The following PSMD8 variants were observed in gnomAD, a reference collection of about 807,000 sequenced individuals.
PSMD8 encodes the protein 26S proteasome non-ATPase regulatory subunit 8.
A neutral mutation model predicts 40.0 loss-of-function variants in PSMD8; 30 were observed. The observed-to-expected ratio is 0.75, with a 90% CI of 0.56 to 1.02. PSMD8 has a LOEUF of 1.02. Ranked by LOEUF, PSMD8 falls within the 50% of genes least tolerant of loss-of-function variation. The pLI, the probability that PSMD8 is intolerant of heterozygous loss-of-function variation, is 0.00. For missense variants in PSMD8, 461 were observed against 463.9 expected (o/e 0.99, Z 0.06); for synonymous variants, 208 against 192.5 (o/e 1.08, Z -0.67).
intron 4 of PSMD8, among the ~76,000 whole-genome samples, 164 bp from the exon 5 acceptor site, chr19:38,380,735 T>TGCGC: frequency 7.9e-6 from 1 of 126,186 alleles, no homozygotes; most frequent in Admixed American, 8.3e-5. Flanking sequence ...TGTGTGCGCA[T>TGCGC]AAACCAGCAA....
chr19:38,374,601 C>A lies in PSMD8; in HGVS notation c.-1C>A. The A allele has an allele frequency of 6.8e-7, 1 of 1,470,160 alleles. No homozygotes were observed. Among genetic ancestry groups the A allele is most frequent in the Non-Finnish European group, 9.0e-7 (1 of 1,115,728 alleles). 91.1% of individuals were successfully genotyped at this position (1,470,160 alleles called of 1,614,324 possible). On this transcript the variant is annotated 5_prime_UTR_variant, in exon 1 of 7. Transcript: ENST00000215071. The stretch of plus-strand genomic sequence containing the variant: ...ACGACAGAGGCGGAGCTCCAACTGA[C>A]ATGTTCATTAAGGGCAGGGCTCCGA...
chr19:38,382,629 C>T (rs919365363), intron 6 of PSMD8: 30 of 357,988 alleles, frequency 8.4e-5, no homozygotes, highest in South Asian at 4.0e-4. Flanking sequence ...GTGGCTCCCG[C>T]GCACCAAGGT....
intron 1 of PSMD8, among the ~76,000 whole-genome samples, chr19:38,375,927 C>T (rs1244433201): frequency 2.6e-5 from 4 of 152,138 alleles, no homozygotes; most frequent in Non-Finnish European, 5.9e-5. Flanking sequence ...ACTGAGTGTC[C>T]CTCCTTGTTT....
intron 1 of PSMD8, 187 bp downstream of exon 1, chr19:38,375,148 C>G: frequency 2.0e-6 from 2 of 992,708 alleles, no homozygotes; most frequent in Admixed American, 2.9e-5. Context: ...CGTCAAGAAG[C>G]GAGAGAGGGA....
At chr19:38,375,294 TGA>T (rs1970589185) in intron 1 of PSMD8, 1 of 288,110 alleles carries the variant, frequency 3.5e-6, no homozygotes, top group Non-Finnish European at 6.7e-6. Flanking sequence ...TTTTTTTAAG[TGA>T]GAGATGACTG....
intron 3 of PSMD8, 54 bp downstream of exon 3, chr19:38,376,508 ATTTCT>A: frequency 7.0e-7 from 1 of 1,431,288 alleles, no homozygotes; most frequent in South Asian, 1.2e-5. Flanking sequence ...AAGCTCCTTT[ATTTCT>A]GGAGCTCTGG....
chr19:38,375,044 C>T, intron 1 of PSMD8, 83 bp downstream of exon 1: 1 of 1,507,078 alleles, frequency 6.6e-7, no homozygotes, highest in East Asian at 2.5e-5. Context: ...AGTCCCGGGC[C>T]GCGGAAGCCA....
chr19:38,376,204 G>A lies in PSMD8; in HGVS notation c.405G>A (p.Lys135=). ...ACTTCTTGCCAACCACAGGGACCAAGCTGACCAAACAGCAGCTAATTCTGG... is the reference window on the plus strand; with the variant it reads ...ACTTCTTGCCAACCACAGGGACCAAACTGACCAAACAGCAGCTAATTCTGG... ...ELNFLPTTGT[K]LTKQQLILAR... Residue 135 remains lysine (K), a synonymous_variant, in exon 2 of 7, where the codon AAG becomes AAA. Transcript: ENST00000215071. 4 of 1,608,130 alleles carry A rather than the reference G, an allele frequency of 2.5e-6. No individual in the cohort carries two copies. The highest frequency in any genetic ancestry group is 3.4e-6 in the Non-Finnish European group (4 of 1,177,194).
At chr19:38,378,658 A>G (rs1306377220) in intron 3 of PSMD8, among the ~76,000 whole-genome samples, 1 of 135,656 alleles carries the variant, frequency 7.4e-6, no homozygotes, top group Non-Finnish European at 1.7e-5. Flanking sequence ...CTCGGAATTG[A>G]AAAAAAAAAA....
rs760627842 is a variant in PSMD8 at position 38,374,813 on chromosome 19, G to C, written c.212G>C (p.Gly71Ala). 1 of 1,574,064 alleles carries C rather than the reference G, an allele frequency of 6.4e-7. No homozygotes were observed. Among genetic ancestry groups the C allele is most frequent in the African/African-American group, 1.3e-5 (1 of 74,324 alleles). ...AAGATGGCGGCCGCGGCGGTGAACG[G>C]GGCGGCAGGCTTCTCGAGCTCCGGG... ...SRKMAAAAVNGAAGFSSSGPA... is the reference protein window; with the variant it reads ...SRKMAAAAVNAAAGFSSSGPA... Residue 71 changes from glycine to alanine, a missense_variant, in exon 1 of 7, where the codon GGG (glycine) becomes GCG (alanine). By Grantham distance (60) the Gly-to-Ala change is moderately conservative. Coordinates refer to ENST00000215071, the MANE Select transcript of PSMD8 (RefSeq NM_002812.5).
In PSMD8 at chr19:38,383,257, G is replaced by A. The variant is rs780251010; in HGVS notation, c.920G>A (p.Gly307Glu). Residue 307 changes from glycine (G) to glutamate (E), a missense_variant, in exon 7 of 7, where the codon GGG becomes GAG. By Grantham distance (98) the Gly-to-Glu change is moderately conservative (BLOSUM62 -2). This residue lies in a region of PSMD8 where 236 missense variants were observed against 321.2 expected (regional missense o/e 0.73). Coordinates refer to ENST00000215071, the MANE Select transcript of PSMD8 (RefSeq NM_002812.5). ...CTAATCCCTCCTTTCCTGCAGCGAG[G>A]GTGGGTCCTGGGCCCCAACAACTAC... ...KKMTDYAKKRGWVLGPNNYYS... is the reference protein window; with the variant it reads ...KKMTDYAKKREWVLGPNNYYS... The A allele has an allele frequency of 9.3e-6, 15 of 1,612,630 alleles. No homozygotes were observed. Among genetic ancestry groups the A allele is most frequent in the Non-Finnish European group, 1.0e-5 (12 of 1,179,862 alleles).
rs113728575 is a variant in PSMD8 at position 38,378,084 on chromosome 19, G to A, written c.537-1156G>A. Among the ~76,000 whole-genome samples the A allele has an allele frequency of 1.9e-4, 29 of 152,324 alleles. No individual in the cohort carries two copies. In the South Asian group the frequency reaches 3.5e-3, roughly 18 times the overall value. On this transcript the variant is annotated intron_variant, in intron 3 of 6. Transcript: ENST00000215071. ...TCTACGAAATGGATACTGTGAGGCC[G>A]GGCATGATGGCACATGCCTGAAATC...
At chr19:38,382,542 T>C in intron 6 of PSMD8, 2 of 551,596 alleles carry the variant, frequency 3.6e-6, no homozygotes, top group East Asian at 3.0e-5. Flanking sequence ...TCTCAGGCGT[T>C]TGAGCACGAG....
chr19:38,374,970 G>A lies in PSMD8; in HGVS notation c.360+9G>A, dbSNP rs1970586023. 3.9e-6 allele frequency: 6 copies of A among 1,548,710 alleles called. No homozygotes were observed. Among genetic ancestry groups the A allele is most frequent in the Non-Finnish European group, 5.2e-6 (6 of 1,154,916 alleles). On this transcript the variant is annotated intron_variant, in intron 1 of 6. Transcript: ENST00000215071. Reference sequence around the variant, plus strand: ...AGCTGGGTCGACTCAAGGTAAAGTCGGCAGGCCCAGGAAACCGAGTGTTGC... The same window carrying A: ...AGCTGGGTCGACTCAAGGTAAAGTCAGCAGGCCCAGGAAACCGAGTGTTGC...
chr19:38,375,588 T>C (rs1970591200), intron 1 of PSMD8: 1 of 174,220 alleles, frequency 5.7e-6, no homozygotes, highest in African/African-American at 2.4e-5. Flanking sequence ...CTCGCATCTG[T>C]TGGGAGAGGG....
At position 38,374,703 on chromosome 19, in the gene PSMD8, C is replaced by T. The variant is rs1034643557; in HGVS notation, c.102C>T (p.Gly34=). Residue 34 remains glycine, a synonymous_variant, in exon 1 of 7, where the codon GGC becomes GGT. Transcript: ENST00000215071. ...TTGTAGCCCCGCCCCGGGCCTTGGGCTCCACCTCTCGGCCCCACTTCCGCC... is the reference window on the plus strand; with the variant it reads ...TTGTAGCCCCGCCCCGGGCCTTGGGTTCCACCTCTCGGCCCCACTTCCGCC... The part of the protein sequence containing the change: ...RQVVAPPRAL[G]STSRPHFRRA... 6 of 1,544,790 alleles carry T rather than the reference C, an allele frequency of 3.9e-6. No homozygotes were observed. In the African/African-American group the frequency reaches 6.8e-5, roughly 18 times the overall value.
chr19:38,379,683 C>T (rs190358090), intron 4 of PSMD8, among the ~76,000 whole-genome samples: 10 of 152,124 alleles, frequency 6.6e-5, no homozygotes, highest in East Asian at 1.9e-4. Context: ...GAGTGGCCTG[C>T]GCAGTCTGTC....
At chr19:38,380,086 G>T (rs1338944334) in intron 4 of PSMD8, among the ~76,000 whole-genome samples, 2 of 152,204 alleles carry the variant, frequency 1.3e-5, no homozygotes, top group East Asian at 1.9e-4. Context: ...TCAGGAGTTC[G>T]AAACCAGCCT....
rs1055197976 is a variant in PSMD8, at chr19:38,383,817, TC to T, written c.*428del. On this transcript the variant is annotated 3_prime_UTR_variant, in exon 7 of 7. Transcript: ENST00000215071. The stretch of plus-strand genomic sequence containing the variant: ...TGTTGGCAGTGAATTAAACAATTTT[TC>T]AAATGACATGTGAAATGGAACCCAT... 1 of 189,248 alleles carries T rather than the reference TC, an allele frequency of 5.3e-6. No individual in the cohort carries two copies. The highest frequency in any genetic ancestry group is 5.3e-5 in the Admixed American group (1 of 18,832). 11.7% of individuals were successfully genotyped at this position (189,248 alleles called of 1,614,324 possible).
Sources: gnomAD v4.1 joint callset for allele counts (sites outside exome capture counted in the v4.1 genomes callset) on GRCh38, gnomAD v4.1.1 for gene constraint, gnomAD v4.1.1 regional missense constraint, MANE v1.5 for transcripts, NCBI Gene and HGNC (gene_info 2026-07-23, HGNC 2026-07-21) for gene names.